CIB1: variants seen among roughly 807,000 people sequenced by gnomAD.
CIB1 encodes the protein calcium and integrin-binding protein 1.
Under a neutral mutation model 25.0 loss-of-function variants are expected in CIB1, and 19 were observed. The observed-to-expected ratio is 0.76, with a 90% CI of 0.53 to 1.12. CIB1 has a LOEUF of 1.12. Ranked by LOEUF, CIB1 falls within the 50% of genes most tolerant of loss-of-function variation. The probability of loss-of-function intolerance (pLI) is 0.00; values close to 1 mark genes in which losing one functional copy is unlikely to be tolerated. For missense variants in CIB1, 236 were observed against 242.6 expected, an observed-to-expected ratio of 0.97 and a Z score of 0.18; for synonymous variants, 104 against 98.5, an observed-to-expected ratio of 1.06 and a Z score of -0.33.
chr15:90,242,045 G>T, the CIB1 span: 1 of 1,606,164 alleles, frequency 6.2e-7, no homozygotes, highest in Non-Finnish European at 8.5e-7. Flanking sequence ...TGGTGGCCCT[G>T]ATGTCCCAGG....
At chr15:90,236,195 C>A (rs969102700), upstream of CIB1, 1 of 152,244 alleles carries the variant, frequency 6.6e-6, no homozygotes, top group Non-Finnish European at 1.5e-5. Flanking sequence ...TGTGCCACCA[C>A]ACCCAGCTAG....
the CIB1 span, chr15:90,242,044 T>C: frequency 6.2e-7 from 1 of 1,608,466 alleles, no homozygotes; most frequent in Non-Finnish European, 8.5e-7. Context: ...CTGGTGGCCC[T>C]GATGTCCCAG....
the CIB1 span, among the ~76,000 whole-genome samples, chr15:90,240,301 A>C: frequency 6.6e-6 from 1 of 152,072 alleles, no homozygotes; most frequent in African/African-American, 2.4e-5. Flanking sequence ...GGAGGTCAGG[A>C]GTTCAAGACC....
the CIB1 span, chr15:90,250,847 G>A: frequency 8.7e-6 from 14 of 1,614,108 alleles, no homozygotes; most frequent in South Asian, 3.3e-5. Flanking sequence ...TGACACAGGC[G>A]ACTTAGAAGC....
the CIB1 span, chr15:90,263,555 C>T: frequency 7.1e-5 from 39 of 547,852 alleles, 1 homozygote; most frequent in African/African-American, 5.8e-4. Context: ...AAAGAGCTGC[C>T]GCTTTCACTA....
the CIB1 span, chr15:90,264,056 G>C: frequency 6.5e-7 from 1 of 1,529,752 alleles, no homozygotes; most frequent in Non-Finnish European, 8.8e-7. Flanking sequence ...AGGCTCACTA[G>C]CCGTAAGTAT....
upstream of CIB1, chr15:90,234,060 C>A: frequency 1.4e-6 from 1 of 714,172 alleles, no homozygotes; most frequent in Non-Finnish European, 2.1e-6. Flanking sequence ...GTTTGGCAGG[C>A]GAGCTGCCGG....
chr15:90,264,581 C>T, the CIB1 span: 1 of 969,918 alleles, frequency 1.0e-6, no homozygotes, highest in African/African-American at 1.6e-5. Context: ...ATACCAATTA[C>T]AATACAGTGT....
the CIB1 span, chr15:90,258,753 C>T: frequency 6.2e-7 from 1 of 1,614,106 alleles, no homozygotes; most frequent in South Asian, 1.1e-5. Flanking sequence ...GTAAACCACT[C>T]TCCAAGCTTT....
chr15:90,265,587 C>A, the CIB1 span: 20 of 1,410,716 alleles, frequency 1.4e-5, no homozygotes, highest in South Asian at 6.6e-5. Context: ...ATCTTACCCC[C>A]ACCAAGTGAA....
the CIB1 span, among the ~76,000 whole-genome samples, chr15:90,256,573 CT>C: frequency 1.8e-5 from 1 of 56,336 alleles, no homozygotes; most frequent in African/African-American, 9.3e-5. Flanking sequence ...TTCTTTCTTT[CT>C]TTCTTTCTTT....
chr15:90,258,119 C>T, the CIB1 span: 1 of 1,614,246 alleles, frequency 6.2e-7, no homozygotes, highest in South Asian at 1.1e-5. Context: ...AGGACATCAT[C>T]ATCAAAACCA....
chr15:90,230,840 A>C (rs1596170054), intron 6 of CIB1, 94 bp downstream of exon 6: 1 of 1,139,214 alleles, frequency 8.8e-7, no homozygotes, highest in Non-Finnish European at 1.3e-6. Context: ...GCTTTCTCTC[A>C]CCCTGGCACC....
At chr15:90,241,223 G>A in the CIB1 span, 2 of 1,614,166 alleles carry the variant, frequency 1.2e-6, no homozygotes, top group Middle Eastern at 1.6e-4. Flanking sequence ...GTGGTGTGCA[G>A]AGGAGGCCCC....
chr15:90,241,048 C>T, the CIB1 span: 16 of 1,614,018 alleles, frequency 9.9e-6, no homozygotes, highest in East Asian at 4.5e-5. Context: ...CCAAGGAATG[C>T]ACCTGGCATC....
upstream of CIB1, among the ~76,000 whole-genome samples, chr15:90,235,820 G>A (rs573062309): frequency 2.0e-5 from 3 of 151,962 alleles, no homozygotes; most frequent in African/African-American, 4.8e-5. Flanking sequence ...CGCCCACCTC[G>A]GCCTCTCAAA....
At chr15:90,240,902 C>T in the CIB1 span, 1 of 1,602,372 alleles carries the variant, frequency 6.2e-7, no homozygotes, top group South Asian at 1.1e-5. Flanking sequence ...TATTTCAGGT[C>T]AGCTCTATGG....
In CIB1 at chr15:90,232,342, G is replaced by C. The variant is rs772750103; in HGVS notation, c.87-15C>G. 2.5e-6 allele frequency: 4 copies of C among 1,591,152 alleles called. No homozygotes were observed. The highest frequency in any genetic ancestry group is 2.6e-6 in the Non-Finnish European group (3 of 1,164,538). On this transcript the variant is annotated splice_polypyrimidine_tract_variant and intron_variant, in intron 2 of 6. Transcript: ENST00000328649. ...GCCTGTGGGCTCTGGTAGAGAGAGG[G>C]GAACTGTCGGTGTTCTCAGCGATCG...
In CIB1 at chr15:90,232,341, G is replaced by A; in HGVS notation, c.87-14C>T. 6.3e-7 allele frequency: 1 copy of A among 1,591,504 alleles called. No homozygotes were observed. Among genetic ancestry groups the A allele is most frequent in the East Asian group, 2.3e-5 (1 of 44,142 alleles). The stretch of plus-strand genomic sequence containing the variant: ...CGCCTGTGGGCTCTGGTAGAGAGAG[G>A]GGAACTGTCGGTGTTCTCAGCGATC... On this transcript the variant is annotated splice_polypyrimidine_tract_variant and intron_variant, in intron 2 of 6. Transcript: ENST00000328649.
Sources: gnomAD v4.1 joint callset for allele counts (sites outside exome capture counted in the v4.1 genomes callset) on GRCh38, gnomAD v4.1.1 for gene constraint, MANE v1.5 for transcripts, NCBI Gene and HGNC (gene_info 2026-07-23, HGNC 2026-07-21) for gene names.